Variants in ALK observed in about 807,000 individuals in gnomAD.
ALK encodes ALK tyrosine kinase receptor.
ALK carries 74 observed loss-of-function variants against 163.1 expected under a neutral mutation model. That is an observed-to-expected ratio of 0.45 (90% CI 0.38 to 0.55). The LOEUF (loss-of-function observed/expected upper bound fraction) is 0.55, where lower values mean the gene tolerates loss of function less well. Among genes scored for constraint, ALK ranks in the 20% least tolerant of loss-of-function variants. The probability of loss-of-function intolerance (pLI) is 0.00; values close to 1 mark genes in which losing one functional copy is unlikely to be tolerated. For synonymous variants in ALK, 960 were observed against 843.2 expected, an observed-to-expected ratio of 1.14 and a Z score of -2.40; for missense variants, 2,063 against 2,105.3, an observed-to-expected ratio of 0.98 and a Z score of 0.39.
intron 11 of ALK, among the ~76,000 whole-genome samples, chr2:29,261,135 T>C (rs1301431270): frequency 6.6e-6 from 1 of 152,192 alleles, no homozygotes; most frequent in African/African-American, 2.4e-5. Context: ...ACTGGCTTTC[T>C]GTAATTTCTA....
At chr2:29,748,601 G>A (rs933047843) in intron 1 of ALK, among the ~76,000 whole-genome samples, 2 of 152,152 alleles carry the variant, frequency 1.3e-5, no homozygotes, top group Admixed American at 6.5e-5. Flanking sequence ...GAAGCATGTT[G>A]AACAGACACA....
intron 1 of ALK, among the ~76,000 whole-genome samples, chr2:29,741,178 T>C (rs1288041377): frequency 6.6e-6 from 1 of 152,106 alleles, no homozygotes; most frequent in Non-Finnish European, 1.5e-5. Context: ...GATTAGTGTT[T>C]GCTAGGGGTT....
chr2:29,845,618 G>T (rs781747395), intron 1 of ALK, among the ~76,000 whole-genome samples: 1 of 152,140 alleles, frequency 6.6e-6, no homozygotes, highest in African/African-American at 2.4e-5. Flanking sequence ...ATTTTTAGTA[G>T]AGACAGGATT....
At chr2:29,680,601 GTTC>G (rs1322795420) in intron 3 of ALK, among the ~76,000 whole-genome samples, 2 of 151,968 alleles carry the variant, frequency 1.3e-5, no homozygotes, top group Non-Finnish European at 1.5e-5. Context: ...TTGTCATGCT[GTTC>G]TTTATTTCTT....
chr2:29,407,344 TA>T (rs1669610002), intron 4 of ALK, among the ~76,000 whole-genome samples: 1 of 152,256 alleles, frequency 6.6e-6, no homozygotes. Context: ...AGTTAACATT[TA>T]TTGAACTCTT....
intron 1 of ALK, among the ~76,000 whole-genome samples, chr2:29,853,846 C>T (rs899511097): frequency 1.3e-5 from 2 of 152,058 alleles, no homozygotes; most frequent in East Asian, 1.9e-4. Context: ...TTGCCACGTC[C>T]CTCCCCACCT....
intron 3 of ALK, among the ~76,000 whole-genome samples, chr2:29,608,301 T>C (rs1675596754): frequency 6.6e-6 from 1 of 152,234 alleles, no homozygotes; most frequent in South Asian, 2.1e-4. Flanking sequence ...ATATGCTTCA[T>C]GAAGGCAGGG....
At chr2:29,475,608 C>T (rs555894986) in intron 4 of ALK, among the ~76,000 whole-genome samples, 163 of 152,278 alleles carry the variant, frequency 1.1e-3, no homozygotes, top group Non-Finnish European at 1.5e-3. Flanking sequence ...TCATTGTTCC[C>T]CTGAAGTGAG....
At chr2:29,653,288 C>A (rs539102317) in intron 3 of ALK, among the ~76,000 whole-genome samples, 5 of 152,172 alleles carry the variant, frequency 3.3e-5, no homozygotes, top group African/African-American at 1.2e-4. Context: ...AGTTTAAAAA[C>A]CACAAGAAAT....
At chr2:29,216,933 G>GGGCATGTGT (rs147678836) in intron 23 of ALK, among the ~76,000 whole-genome samples, 1 of 140,918 alleles carries the variant, frequency 7.1e-6, no homozygotes, top group African/African-American at 2.7e-5. Flanking sequence ...GGTGTGTGGG[G>GGGCATGTGT]GGTGTGTGTG....
chr2:29,340,272 A>G (rs1219856528), intron 5 of ALK, among the ~76,000 whole-genome samples: 1 of 152,224 alleles, frequency 6.6e-6, no homozygotes, highest in East Asian at 1.9e-4. Context: ...AATCATAAAC[A>G]AATTATAGCT....
chr2:29,782,535 G>C (rs1046048909), intron 1 of ALK, among the ~76,000 whole-genome samples: 1 of 152,010 alleles, frequency 6.6e-6, no homozygotes, highest in Non-Finnish European at 1.5e-5. Flanking sequence ...CGTTAACCCC[G>C]CCCCACTCCA....
At chr2:29,399,475 G>A (rs1669391197) in intron 4 of ALK, among the ~76,000 whole-genome samples, 1 of 152,210 alleles carries the variant, frequency 6.6e-6, no homozygotes, top group South Asian at 2.1e-4. Flanking sequence ...GGGTGCCCGT[G>A]TCTCCTTTGT....
chr2:29,333,712 C>T (rs1667523942), intron 5 of ALK, among the ~76,000 whole-genome samples: 4 of 152,124 alleles, frequency 2.6e-5, no homozygotes, highest in Admixed American at 2.6e-4. Context: ...ACCTTCCCGA[C>T]CTCGGGTGAT....
chr2:29,445,990 T>C (rs184118079), intron 4 of ALK, among the ~76,000 whole-genome samples: 7,160 of 142,834 alleles, frequency 0.05, 246 homozygotes, highest in Non-Finnish European at 0.073. Flanking sequence ...TCCCAGCTAC[T>C]TGGGAGGCTG....
At chr2:29,633,441 A>G (rs1676437478) in intron 3 of ALK, among the ~76,000 whole-genome samples, 1 of 152,144 alleles carries the variant, frequency 6.6e-6, no homozygotes, top group Admixed American at 6.6e-5. Flanking sequence ...AAAGAAAATT[A>G]ATAACACCAA....
chr2:29,427,652 T>C (rs1670177199), intron 4 of ALK, among the ~76,000 whole-genome samples: 3 of 149,924 alleles, frequency 2.0e-5, no homozygotes, highest in Admixed American at 1.3e-4. Context: ...ACAAAAGACA[T>C]GAGACATATA....
chr2:29,598,447 TA>T (rs1675279393), intron 3 of ALK, among the ~76,000 whole-genome samples: 1 of 152,162 alleles, frequency 6.6e-6, no homozygotes, highest in Non-Finnish European at 1.5e-5. Flanking sequence ...GAGGTGACAC[TA>T]AGGCATGGCA....
chr2:29,475,759 AGT>A (rs1671501469), intron 4 of ALK, among the ~76,000 whole-genome samples: 1 of 152,178 alleles, frequency 6.6e-6, no homozygotes, highest in African/African-American at 2.4e-5. Flanking sequence ...GCTCCCACTG[AGT>A]GAACAGCGCT....
Sources: gnomAD v4.1 joint callset for allele counts (sites outside exome capture counted in the v4.1 genomes callset) on GRCh38, gnomAD v4.1.1 for gene constraint, MANE v1.5 for transcripts, NCBI Gene and HGNC (gene_info 2026-07-23, HGNC 2026-07-21) for gene names.